The following RAG1 variants were observed in gnomAD, a reference collection of about 807,000 sequenced individuals.
RAG1 encodes the protein V(D)J recombination-activating protein 1.
RAG1 carries 35 observed loss-of-function variants against 62.7 expected under a neutral mutation model. The ratio of observed to expected loss-of-function variants is 0.56; its 90% CI spans 0.43 to 0.74. The LOEUF (loss-of-function observed/expected upper bound fraction) is 0.74, where lower values mean the gene tolerates loss of function less well. Ranked by LOEUF, RAG1 falls within the 30% of genes least tolerant of loss-of-function variation. The pLI is 0.00. For missense variants in RAG1, 1,169 were observed against 1,278.6 expected (o/e 0.91, Z 1.31); for synonymous variants, 461 against 470.3 (o/e 0.98, Z 0.26).
chr11:36,575,530 A>T lies in RAG1; in HGVS notation c.2226A>T (p.Gln742His), dbSNP rs1850831547. Residue 742 changes from glutamine (Q) to histidine (H), a missense_variant, in exon 2 of 2, where the codon CAA becomes CAT. Physicochemically the swap from Gln to His is conservative, Grantham distance 24. Coordinates refer to ENST00000299440, the MANE Select transcript of RAG1 (RefSeq NM_000448.3). The surrounding 1 kb of genome is among the most constrained non-coding windows in gnomAD (Gnocchi z 4.1). The stretch of plus-strand genomic sequence containing the variant: ...ATGCCACCCGTCTGGAAGCCTCTCA[A>T]AATCTTGTCTTCCACTCTATAACCA... ...LCDATRLEAS[Q>H]NLVFHSITRS... 6.2e-7 allele frequency: 1 copy of T among 1,614,110 alleles called. No individual in the cohort carries two copies. The highest frequency in any genetic ancestry group is 1.3e-5 in the African/African-American group (1 of 74,938).
At chr11:36,540,490 C>T (rs754450527), downstream of RAG1, among the ~76,000 whole-genome samples, 106 of 152,136 alleles carry the variant, frequency 7.0e-4, no homozygotes, top group African/African-American at 2.5e-3. Context: ...CTGCAAGCTC[C>T]ACCTCCCGGG....
intron 1 of RAG1, chr11:36,515,611 T>C (rs549767361): frequency 7.2e-5 from 11 of 152,290 alleles, no homozygotes; most frequent in Admixed American, 7.2e-4. Context: ...TCCATCAACA[T>C]GAGGGAAAGT....
At chr11:36,540,410 T>C (rs1860397349), downstream of RAG1, among the ~76,000 whole-genome samples, 1 of 152,158 alleles carries the variant, frequency 6.6e-6, no homozygotes, top group Non-Finnish European at 1.5e-5. Flanking sequence ...ATTTTATTTA[T>C]TTATTTATTT....
chr11:36,531,033 T>C (rs942631693), intron 2 of RAG1, among the ~76,000 whole-genome samples: 2 of 144,764 alleles, frequency 1.4e-5, no homozygotes, highest in Non-Finnish European at 3.0e-5. Context: ...ACATTTAGAA[T>C]TGTTGCATCA....
intron 2 of RAG1, among the ~76,000 whole-genome samples, chr11:36,526,100 AT>A (rs999831695): frequency 5.9e-5 from 9 of 152,038 alleles, no homozygotes; most frequent in Non-Finnish European, 1.3e-4. Context: ...TTTGTTAAGA[AT>A]TTTTTTAAGT....
Position 36,575,614 on chromosome 11 carries a change from G to A in RAG1, c.2310G>A (p.Glu770=), listed in dbSNP as rs370390229. 1 of 1,614,194 alleles carries A rather than the reference G, an allele frequency of 6.2e-7. No individual in the cohort carries two copies. Among genetic ancestry groups the A allele is most frequent in the Non-Finnish European group, 8.5e-7 (1 of 1,180,034 alleles). The change falls in exon 2 of 2, where the codon GAG becomes GAA. Residue 770 remains glutamate, a synonymous_variant. Coordinates refer to ENST00000299440, the MANE Select transcript of RAG1 (RefSeq NM_000448.3). This position sits in a 1 kb window ranked among gnomAD's most constrained non-coding sequence, Gnocchi z 4.1. ...TCTGGCGTTCCAACCCTTACCATGAGTCTGTGGAAGAACTGCGGGATCGGG... is the reference window on the plus strand; with the variant it reads ...TCTGGCGTTCCAACCCTTACCATGAATCTGTGGAAGAACTGCGGGATCGGG... ...YEVWRSNPYH[E]SVEELRDRVK... is the part of the protein sequence containing the mutation.
intron 1 of RAG1, 90 bp downstream of exon 1, chr11:36,568,212 A>G (rs1850687248): frequency 6.6e-6 from 1 of 152,070 alleles, no homozygotes; most frequent in Non-Finnish European, 1.5e-5. Context: ...TTTTCCTTCC[A>G]GGTGATGAGG....
upstream of RAG1, chr11:36,563,542 T>A (rs1167574841): frequency 2.0e-5 from 3 of 152,172 alleles, no homozygotes; most frequent in African/African-American, 7.2e-5. Flanking sequence ...TCATAGCAGA[T>A]TTTTTTACAA....
downstream of RAG1, among the ~76,000 whole-genome samples, chr11:36,540,939 C>T (rs1367303260): frequency 6.6e-6 from 1 of 152,114 alleles, no homozygotes; most frequent in Non-Finnish European, 1.5e-5. Flanking sequence ...TGTTTCCTAC[C>T]TAGGTTTAAA....
chr11:36,566,525 T>TG (rs534154315), upstream of RAG1: 139 of 151,800 alleles, frequency 9.2e-4, 1 homozygote, highest in East Asian at 8.9e-3. Flanking sequence ...AGCAGGAGGA[T>TG]GGGGGGGGAA....
chr11:36,528,244 TAAAACACTCCTC>T (rs1485002211), intron 2 of RAG1, among the ~76,000 whole-genome samples: 2 of 152,084 alleles, frequency 1.3e-5, no homozygotes, highest in African/African-American at 2.4e-5. Context: ...AGGTTGGAAG[TAAAACACTCCTC>T]AGCAAATGTA....
intron 1 of RAG1, among the ~76,000 whole-genome samples, chr11:36,518,781 A>G (rs1192797598): frequency 1.3e-5 from 2 of 152,112 alleles, no homozygotes; most frequent in Non-Finnish European, 2.9e-5. Flanking sequence ...ATTTTCTCCC[A>G]TTCTATAGGT....
At chr11:36,540,966 A>G (rs960002257), downstream of RAG1, among the ~76,000 whole-genome samples, 1 of 152,204 alleles carries the variant, frequency 6.6e-6, no homozygotes, top group African/African-American at 2.4e-5. Flanking sequence ...TTCAGATTCC[A>G]CAAGGTGTGA....
chr11:36,529,279 A>G (rs1231922742), intron 2 of RAG1, among the ~76,000 whole-genome samples: 1 of 152,208 alleles, frequency 6.6e-6, no homozygotes, highest in African/African-American at 2.4e-5. Context: ...CAGTGTATCA[A>G]AAAGCTTTAT....
chr11:36,535,739 C>T (rs191799623), intron 2 of RAG1, among the ~76,000 whole-genome samples: 1 of 151,960 alleles, frequency 6.6e-6, no homozygotes, highest in Admixed American at 6.6e-5. Flanking sequence ...AGCAAGACTC[C>T]CTCTCAAATA....
At position 36,516,701 on chromosome 11, in the gene RAG1, C is replaced by T. The variant is rs1445104405; in HGVS notation, n.331-3431C>T. On this transcript the variant is annotated intron_variant and non_coding_transcript_variant, in intron 1 of 2. Transcript: ENST00000529126. ...TACTACCTTATGAATTCTCTTTGTA[C>T]CTTCCCTTCTGGACACATTTTTGAA... Among the ~76,000 whole-genome samples, 3 of 152,206 alleles carry T rather than the reference C, an allele frequency of 2.0e-5. No individual in the cohort carries two copies. The East Asian group carries it at 5.8e-4, about 29-fold the overall frequency.
downstream of RAG1, among the ~76,000 whole-genome samples, chr11:36,540,436 T>G (rs1319355289): frequency 6.6e-6 from 1 of 152,122 alleles, no homozygotes; most frequent in Admixed American, 6.5e-5. Context: ...ACGGAGCCTC[T>G]CTCTGTCATC....
At chr11:36,545,348 G>A (rs139249286) in intron 3 of RAG1, among the ~76,000 whole-genome samples, 47 of 152,238 alleles carry the variant, frequency 3.1e-4, no homozygotes, top group African/African-American at 1.1e-3. Flanking sequence ...GAGGTTATAA[G>A]GGTGGGCTTG....
chr11:36,521,916 C>G (rs1049345387), intron 2 of RAG1, among the ~76,000 whole-genome samples: 1 of 152,082 alleles, frequency 6.6e-6, no homozygotes, highest in Non-Finnish European at 1.5e-5. Flanking sequence ...GAACTTTGAA[C>G]TTAAGAGAGA....
Sources: gnomAD v4.1 joint callset for allele counts (sites outside exome capture counted in the v4.1 genomes callset) on GRCh38, gnomAD v4.1.1 for gene constraint, Gnocchi (gnomAD v3.1) non-coding constraint, MANE v1.5 for transcripts, NCBI Gene and HGNC (gene_info 2026-07-23, HGNC 2026-07-21) for gene names.